The following TBCK variants were observed in gnomAD, a reference collection of about 807,000 sequenced individuals.
The protein encoded by TBCK is TBC domain-containing protein kinase-like protein.
TBCK carries 99 observed loss-of-function variants against 113.4 expected under a neutral mutation model. The observed-to-expected ratio is 0.87, with a 90% confidence interval of 0.74 to 1.03. TBCK has a LOEUF of 1.03. TBCK is among the 50% of genes least tolerant of loss of function. The pLI, the probability that TBCK is intolerant of heterozygous loss-of-function variation, is 0.00. For missense variants in TBCK, 1,045 were observed against 1,061.3 expected (o/e 0.98, Z 0.21); for synonymous variants, 369 against 370.8 (o/e 1.00, Z 0.05).
intron 3 of TBCK, among the ~76,000 whole-genome samples, chr4:106,286,041 G>A (rs895539216): frequency 1.3e-5 from 2 of 152,056 alleles, no homozygotes; most frequent in Non-Finnish European, 2.9e-5. Context: ...GAACCTAAAA[G>A]GATCATTCCT....
intron 2 of TBCK, among the ~76,000 whole-genome samples, chr4:106,302,849 T>C (rs1414666411): frequency 6.6e-6 from 1 of 152,216 alleles, no homozygotes; most frequent in Non-Finnish European, 1.5e-5. Context: ...AAGCTCCAAA[T>C]GATCCCCGTA....
chr4:106,185,017 G>A (rs1233498610), intron 22 of TBCK, among the ~76,000 whole-genome samples: 3 of 151,982 alleles, frequency 2.0e-5, no homozygotes, highest in Non-Finnish European at 4.4e-5. Flanking sequence ...GTCAGTTGCA[G>A]CCATCGTTTT....
intron 23 of TBCK, among the ~76,000 whole-genome samples, chr4:106,139,262 C>T (rs1352695381): frequency 7.1e-6 from 1 of 141,446 alleles, no homozygotes; most frequent in Non-Finnish European, 1.6e-5. Context: ...TTCATTCTCA[C>T]TGCTGTGCCA....
intron 2 of TBCK, among the ~76,000 whole-genome samples, chr4:106,306,494 T>C (rs903051136): frequency 1.3e-5 from 2 of 151,204 alleles, no homozygotes; most frequent in Non-Finnish European, 1.5e-5. Context: ...TATTTAATAT[T>C]ATCATGGTTG....
At position 106,256,180 on chromosome 4, in the gene TBCK, C is replaced by T. The variant is rs537729478; in HGVS notation, c.456-4173G>A. ...CACCACAAGTTCCCACTCAGGTCCA[C>T]GGGACCTGCAGCCCATCTCCCATGC... is the stretch of plus-strand genomic sequence containing the variant. On this transcript the variant is annotated intron_variant, in intron 5 of 25. Transcript: ENST00000394708. Among the ~76,000 whole-genome samples the T allele has an allele frequency of 3.5e-4, 53 of 152,266 alleles. No individual in the cohort carries two copies. The South Asian group carries it at 5.8e-3, about 17-fold the overall frequency.
chr4:106,206,918 T>A (rs1037684658), intron 20 of TBCK, among the ~76,000 whole-genome samples: 1 of 152,166 alleles, frequency 6.6e-6, no homozygotes, highest in African/African-American at 2.4e-5. Flanking sequence ...AAGGCACATA[T>A]AGTACTGATA....
In TBCK at chr4:106,169,368, G is replaced by C. The variant is rs144532289; in HGVS notation, c.2235+1727C>G. ...AGACAAACATCAATGAAAAAGAATAGAGAGTTCAGAAATCAACCCACATAA... is the reference window on the plus strand; with the variant it reads ...AGACAAACATCAATGAAAAAGAATACAGAGTTCAGAAATCAACCCACATAA... On this transcript the variant is annotated intron_variant, in intron 23 of 25. Coordinates refer to ENST00000394708, the MANE Select transcript of TBCK (RefSeq NM_001163435.3). Among the ~76,000 whole-genome samples, 6 of 152,126 alleles carry C rather than the reference G, an allele frequency of 3.9e-5. No homozygotes were observed. In the East Asian group the frequency reaches 1.2e-3, roughly 29 times the overall value.
At chr4:106,207,448 ATTG>A (rs1755659033) in intron 20 of TBCK, among the ~76,000 whole-genome samples, 2 of 152,334 alleles carry the variant, frequency 1.3e-5, no homozygotes, top group East Asian at 1.9e-4. Context: ...TCTAGCTTGT[ATTG>A]TTGTTAGAGG....
intron 23 of TBCK, among the ~76,000 whole-genome samples, chr4:106,161,693 G>GGTGTGT (rs1462841972): frequency 1.5e-4 from 21 of 143,684 alleles, no homozygotes; most frequent in African/African-American, 5.0e-4. Flanking sequence ...ACCAGAATTA[G>GGTGTGT]GTGTGTCTGT....
At chr4:106,096,062 G>GTAAA (rs1740866889) in intron 24 of TBCK, among the ~76,000 whole-genome samples, 1 of 151,942 alleles carries the variant, frequency 6.6e-6, no homozygotes. Context: ...AGAAAGAACT[G>GTAAA]TAAATAAGTT....
intron 25 of TBCK, among the ~76,000 whole-genome samples, chr4:106,069,666 T>G (rs2149474289): frequency 6.6e-6 from 1 of 152,348 alleles, no homozygotes; most frequent in East Asian, 1.9e-4. Flanking sequence ...AAGTAGTTTT[T>G]TCCATTCTGT....
chr4:106,210,575 G>A (rs1756013693), intron 20 of TBCK, among the ~76,000 whole-genome samples: 1 of 152,016 alleles, frequency 6.6e-6, no homozygotes, highest in Non-Finnish European at 1.5e-5. Context: ...TAAAACATTA[G>A]AACACATTTT....
chr4:106,277,006 AAT>A (rs1299055410), intron 3 of TBCK, among the ~76,000 whole-genome samples: 2 of 152,192 alleles, frequency 1.3e-5, no homozygotes, highest in African/African-American at 4.8e-5. Flanking sequence ...ACAAATCAAT[AAT>A]GAGAAACAAT....
intron 25 of TBCK, among the ~76,000 whole-genome samples, chr4:106,094,976 CTTTG>C (rs1740741171): frequency 6.6e-6 from 1 of 152,150 alleles, no homozygotes; most frequent in African/African-American, 2.4e-5. Flanking sequence ...ATATGCTACT[CTTTG>C]TTTTATTTTT....
chr4:106,045,871 T>A lies in TBCK; in HGVS notation c.*699A>T, dbSNP rs944632701. ...CTTAATGATCAGGAAACCAGTAGAC[T>A]AGCCCTGGACTGACTGTACAGACTT... is the stretch of plus-strand genomic sequence containing the variant. On this transcript the variant is annotated 3_prime_UTR_variant, in exon 26 of 26. Transcript: ENST00000394708. 1 of 152,194 alleles carries A rather than the reference T, an allele frequency of 6.6e-6. No homozygotes were observed. Among genetic ancestry groups the A allele is most frequent in the African/African-American group, 2.4e-5 (1 of 41,444 alleles). The allele number at this position is 152,194 out of a possible 1,614,324, so 9.4% of individuals were successfully genotyped here. A position where few individuals can be genotyped will look rare whatever the true frequency, so the allele number is the denominator to read the frequency against.
intron 15 of TBCK, 71 bp from the exon 16 acceptor site, chr4:106,233,721 T>G: frequency 7.9e-7 from 1 of 1,258,644 alleles, no homozygotes; most frequent in Non-Finnish European, 1.1e-6. Context: ...GAGAAATCTA[T>G]TTTTTACAAA....
At chr4:106,091,368 C>A (rs560613174) in intron 25 of TBCK, among the ~76,000 whole-genome samples, 2 of 152,330 alleles carry the variant, frequency 1.3e-5, no homozygotes, top group East Asian at 3.9e-4. Flanking sequence ...GATCTGCCCC[C>A]ATGACCAAAC....
chr4:106,062,118 T>C (rs1472271113), intron 25 of TBCK, among the ~76,000 whole-genome samples: 1 of 151,858 alleles, frequency 6.6e-6, no homozygotes, highest in East Asian at 1.9e-4. Flanking sequence ...GTTAGTGACT[T>C]AGTGTTTGTG....
intron 23 of TBCK, among the ~76,000 whole-genome samples, chr4:106,161,723 TGTGTG>T (rs1476846952): frequency 2.0e-5 from 3 of 149,788 alleles, no homozygotes; most frequent in Non-Finnish European, 4.5e-5. Flanking sequence ...TGTGTGTGTG[TGTGTG>T]TATGTGTGTA....
Sources: gnomAD v4.1 joint callset for allele counts (sites outside exome capture counted in the v4.1 genomes callset) on GRCh38, gnomAD v4.1.1 for gene constraint, MANE v1.5 for transcripts, NCBI Gene and HGNC (gene_info 2026-07-23, HGNC 2026-07-21) for gene names.